Variants in KLHL1 observed in about 807,000 individuals in gnomAD.
The protein encoded by KLHL1 is kelch-like protein 1.
Under a neutral mutation model 77.7 loss-of-function variants are expected in KLHL1, and 47 were observed. The ratio of observed to expected loss-of-function variants is 0.60; its 90% CI spans 0.48 to 0.77. The LOEUF (loss-of-function observed/expected upper bound fraction) is 0.77. Ranked by LOEUF, KLHL1 falls within the 30% of genes least tolerant of loss-of-function variation. The probability of loss-of-function intolerance (pLI) is 0.00; values close to 1 mark genes in which losing one functional copy is unlikely to be tolerated. For missense variants in KLHL1, 925 were observed against 910.8 expected, an observed-to-expected ratio of 1.02 and a Z score of -0.20; for synonymous variants, 360 against 325.2, an observed-to-expected ratio of 1.11 and a Z score of -1.15.
At chr13:69,797,080 G>T (rs1163914664) in intron 6 of KLHL1, 118 bp from the exon 7 acceptor site, 3 of 788,750 alleles carry the variant, frequency 3.8e-6, no homozygotes, top group Non-Finnish European at 6.1e-6. Flanking sequence ...TTTTTTAAAA[G>T]AAAAAGTGGC....
chr13:69,888,211 G>C (rs918155245), intron 4 of KLHL1, among the ~76,000 whole-genome samples: 1 of 152,096 alleles, frequency 6.6e-6, no homozygotes, highest in South Asian at 2.1e-4. Context: ...TCAAGGCAGA[G>C]CCCTTATGAC....
intron 5 of KLHL1, among the ~76,000 whole-genome samples, chr13:69,856,643 A>G (rs1267428839): frequency 1.3e-5 from 2 of 152,068 alleles, no homozygotes; most frequent in African/African-American, 4.8e-5. Flanking sequence ...TTTATCTGCA[A>G]TCACCTTACT....
chr13:69,718,188 G>T (rs1341380428), intron 9 of KLHL1, among the ~76,000 whole-genome samples: 2 of 152,032 alleles, frequency 1.3e-5, no homozygotes, highest in East Asian at 3.9e-4. Context: ...AAATTTTTCT[G>T]CTGTCAGTGC....
At chr13:69,840,119 A>G (rs996678407) in intron 5 of KLHL1, among the ~76,000 whole-genome samples, 4 of 152,116 alleles carry the variant, frequency 2.6e-5, no homozygotes, top group Admixed American at 6.6e-5. Context: ...CATGTGACTA[A>G]TTAAATTTAA....
rs938017158 is a variant in KLHL1, at chr13:69,700,922, A to G, written c.*780T>C. The G allele has an allele frequency of 6.6e-6, 1 of 152,340 alleles. No homozygotes were observed. Among genetic ancestry groups the G allele is most frequent in the African/African-American group, 2.4e-5 (1 of 41,442 alleles). The allele number at this position is 152,340 out of a possible 1,614,324, so 9.4% of individuals were successfully genotyped here. A position where few individuals can be genotyped will look rare whatever the true frequency, so the allele number is the denominator to read the frequency against. ...CAGAATCACTAGCTTCCATGCTTAC[A>G]CTGAACTCAACATAAGGCAAAAGCC... is the stretch of plus-strand genomic sequence containing the variant. On this transcript the variant is annotated 3_prime_UTR_variant, in exon 11 of 11. Coordinates refer to ENST00000377844, the MANE Select transcript of KLHL1 (RefSeq NM_020866.3).
At chr13:70,050,928 A>G (rs1489996625) in intron 1 of KLHL1, among the ~76,000 whole-genome samples, 1 of 152,006 alleles carries the variant, frequency 6.6e-6, no homozygotes, top group East Asian at 1.9e-4. Flanking sequence ...GTCATAGCTA[A>G]TTGGAGCAGA....
At position 69,934,962 on chromosome 13, in the gene KLHL1, GTATATATA is replaced by G. The variant is rs67195697; in HGVS notation, c.1014+5070_1014+5077del. On this transcript the variant is annotated intron_variant, in intron 4 of 10. Transcript: ENST00000377844. ...AAATTTACCGTGTGTGTGTGCATGT[GTATATATA>G]TATATATATATATATATATGTATAT... is the stretch of plus-strand genomic sequence containing the variant. Among the ~76,000 whole-genome samples, 992 of 129,726 alleles carry G rather than the reference GTATATATA, an allele frequency of 7.6e-3. 25 individuals are homozygous for G. Among genetic ancestry groups the G allele is most frequent in the African/African-American group, 0.027 (900 of 32,796 alleles). 85.1% of individuals were successfully genotyped at this position (129,726 alleles called of 152,430 possible).
intron 2 of KLHL1, among the ~76,000 whole-genome samples, chr13:69,963,383 T>C (rs1257707228): frequency 6.6e-6 from 1 of 152,194 alleles, no homozygotes; most frequent in Non-Finnish European, 1.5e-5. Context: ...TACATGTTTT[T>C]CACATGTGTG....
chr13:69,849,173 T>A (rs756973528), intron 5 of KLHL1, among the ~76,000 whole-genome samples: 2 of 151,530 alleles, frequency 1.3e-5, no homozygotes, highest in African/African-American at 2.4e-5. Flanking sequence ...TCGAATAACA[T>A]CATTTTCACT....
intron 10 of KLHL1, 56 bp from the exon 11 acceptor site, chr13:69,701,817 CTT>C (rs1875409701): frequency 8.1e-7 from 1 of 1,228,052 alleles, no homozygotes; most frequent in Non-Finnish European, 1.1e-6. Context: ...AAATATAAAA[CTT>C]ATATTTTAAA....
chr13:69,845,891 GA>G (rs199562330), intron 5 of KLHL1, among the ~76,000 whole-genome samples: 25 of 150,128 alleles, frequency 1.7e-4, no homozygotes, highest in African/African-American at 5.6e-4. Context: ...GTCGATATTT[GA>G]AAAAAAATAG....
At chr13:69,939,328 TACATATACATAC>T (rs1883278107) in intron 4 of KLHL1, among the ~76,000 whole-genome samples, 1 of 88,640 alleles carries the variant, frequency 1.1e-5, no homozygotes, top group African/African-American at 4.6e-5. Context: ...CTCATATATA[TACATATACATAC>T]ATATATATAT....
intron 1 of KLHL1, among the ~76,000 whole-genome samples, chr13:70,025,999 T>C (rs1162474515): frequency 6.6e-6 from 1 of 152,108 alleles, no homozygotes; most frequent in African/African-American, 2.4e-5. Flanking sequence ...CTCCTCACAT[T>C]GACCTTCCAT....
At chr13:69,859,761 G>C (rs1427628286) in intron 5 of KLHL1, among the ~76,000 whole-genome samples, 1 of 152,034 alleles carries the variant, frequency 6.6e-6, no homozygotes, top group Non-Finnish European at 1.5e-5. Flanking sequence ...ACCAAGGAGA[G>C]GAAAAACATA....
At chr13:69,908,542 C>T (rs117932946) in intron 4 of KLHL1, among the ~76,000 whole-genome samples, 3,180 of 147,104 alleles carry the variant, frequency 0.022, 44 homozygotes, top group Middle Eastern at 0.084. Context: ...GAAGAGAAAA[C>T]GTAAAAACCA....
At chr13:69,827,975 G>A (rs1386446855) in intron 6 of KLHL1, among the ~76,000 whole-genome samples, 1 of 150,106 alleles carries the variant, frequency 6.7e-6, no homozygotes, top group Non-Finnish European at 1.5e-5. Flanking sequence ...ATATGGTGGT[G>A]TTTGGAAGAA....
intron 1 of KLHL1, among the ~76,000 whole-genome samples, chr13:70,091,693 T>C (rs947588421): frequency 1.3e-5 from 2 of 152,158 alleles, no homozygotes; most frequent in African/African-American, 4.8e-5. Context: ...TTTTCATTTT[T>C]ATTTATTTTG....
chr13:70,014,302 T>C (rs1885604835), intron 1 of KLHL1, among the ~76,000 whole-genome samples: 1 of 152,090 alleles, frequency 6.6e-6, no homozygotes, highest in South Asian at 2.1e-4. Context: ...GAAAAGCGAA[T>C]AATGATCTCT....
chr13:69,945,733 T>C lies in KLHL1; in HGVS notation c.818-5497A>G, dbSNP rs551129564. Among the ~76,000 whole-genome samples, 231 of 152,234 alleles carry C rather than the reference T, an allele frequency of 1.5e-3. 1 individual carries two copies. Among genetic ancestry groups the C allele is most frequent in the African/African-American group, 5.1e-3 (212 of 41,554 alleles). ...CATGCCACAACACCTCTATTAGAAC[T>C]GCTTGTGGAAATGTGAAATGGTACA... On this transcript the variant is annotated intron_variant, in intron 3 of 10. Coordinates refer to ENST00000377844, the MANE Select transcript of KLHL1 (RefSeq NM_020866.3).
Sources: allele counts gnomAD v4.1 joint callset (sites outside exome capture counted in the v4.1 genomes callset), GRCh38; gene constraint gnomAD v4.1.1; transcripts MANE v1.5; gene names NCBI Gene and HGNC (gene_info 2026-07-23, HGNC 2026-07-21).